RGL4: variants seen among roughly 807,000 people sequenced by gnomAD.
RGL4 encodes ral-GDS-related protein.
A neutral mutation model predicts 49.6 loss-of-function variants in RGL4; 41 were observed. That is an observed-to-expected ratio of 0.83 (90% confidence interval 0.64 to 1.07). RGL4 has a LOEUF of 1.07. RGL4 is among the 50% of genes least tolerant of loss of function. The probability of loss-of-function intolerance (pLI) is 0.00; values close to 1 mark genes in which losing one functional copy is unlikely to be tolerated. For missense variants in RGL4, 610 were observed against 591.9 expected, an observed-to-expected ratio of 1.03 and a Z score of -0.32; for synonymous variants, 255 against 238.0, an observed-to-expected ratio of 1.07 and a Z score of -0.66.
At chr22:23,694,534 A>G in intron 5 of RGL4, 84 bp downstream of exon 5, 4 of 970,856 alleles carry the variant, frequency 4.1e-6, no homozygotes, top group Non-Finnish European at 6.5e-6. Context: ...ATGACTCTGA[A>G]AGGTTCTTGG....
chr22:23,695,735 C>T (rs923465891), intron 6 of RGL4, among the ~76,000 whole-genome samples: 2 of 152,214 alleles, frequency 1.3e-5, no homozygotes, highest in African/African-American at 2.4e-5. Flanking sequence ...GGGATTCATA[C>T]ATTGCTAGGG....
intron 6 of RGL4, chr22:23,696,312 C>G: frequency 1.5e-6 from 2 of 1,317,332 alleles, no homozygotes; most frequent in Non-Finnish European, 2.0e-6. Context: ...GGTGCTCGTG[C>G]CTGGTTCTTC....
At chr22:23,698,361 T>C in intron 10 of RGL4, 28 bp downstream of exon 10, 2 of 1,582,410 alleles carry the variant, frequency 1.3e-6, no homozygotes, top group South Asian at 2.3e-5. Flanking sequence ...GGGCTGAGGG[T>C]GGGAGAAGGC....
chr22:23,698,569 T>C (rs1209701263), intron 10 of RGL4: 1 of 720,302 alleles, frequency 1.4e-6, no homozygotes, highest in Non-Finnish European at 2.5e-6. Context: ...GGTTTCACGA[T>C]GATGTCCAGG....
rs766059595 is a variant in RGL4, at chr22:23,692,828, C to T, written c.533C>T (p.Pro178Leu). Residue 178 changes from proline (P) to leucine (L), a missense_variant, in exon 3 of 11, where the codon CCA (proline) becomes CTA (leucine). Physicochemically the swap from Pro to Leu is moderately conservative, Grantham distance 98 (BLOSUM62 -3). Coordinates refer to ENST00000290691, the MANE Select transcript of RGL4 (RefSeq NM_153615.2). ...LHSAPGPAPA[P>L]GEGPPPGTVL... is the part of the protein sequence containing the mutation. ...TCAGCACCAGGGCCAGCACCAGCAC[C>T]AGGGGAAGGGCCCCCTCCAGGGACA... is the stretch of plus-strand genomic sequence containing the variant. 5.0e-6 allele frequency: 8 copies of T among 1,613,540 alleles called. No homozygotes were observed. The highest frequency in any genetic ancestry group is 5.1e-6 in the Non-Finnish European group (6 of 1,180,004).
At position 23,697,959 on chromosome 22, in the gene RGL4, AGGCTTACT is replaced by A. The variant is rs879037824; in HGVS notation, c.1260+101_1260+108del. The A allele has an allele frequency of 3.6e-5, 51 of 1,424,300 alleles. No individual in the cohort carries two copies. The South Asian group carries it at 6.2e-4, about 17-fold the overall frequency. 88.2% of individuals were successfully genotyped at this position (1,424,300 alleles called of 1,614,324 possible). ...TCCCTGGCTCCATCCTCTACATCTT[AGGCTTACT>A]GGGAGTGTTTGACACACACAGGAGG... On this transcript the variant is annotated intron_variant, in intron 9 of 10. Coordinates refer to ENST00000290691, the MANE Select transcript of RGL4 (RefSeq NM_153615.2).
At chr22:23,697,595 C>T (rs1258382112) in intron 8 of RGL4, among the ~76,000 whole-genome samples, 2 of 146,064 alleles carry the variant, frequency 1.4e-5, no homozygotes, top group Non-Finnish European at 2.9e-5. Context: ...TCACTGAGCG[C>T]TTTCTTTCTA....
In RGL4 at chr22:23,698,290, G is replaced by A; in HGVS notation, c.1339G>A (p.Val447Ile). The change falls in exon 10 of 11, where the codon GTC becomes ATC. Residue 447 changes from valine to isoleucine, a missense_variant. Physicochemically the swap from Val to Ile is conservative, Grantham distance 29 (BLOSUM62 3). Transcript: ENST00000290691. ...CAGGCTTCGGCCTCTTGAGAAATTT[G>A]TCACCTATTTCACAAGAATGGAGCA... is the stretch of plus-strand genomic sequence containing the variant. ...NYRLRPLEKF[V>I]TYFTRMEQLS... The A allele has an allele frequency of 6.2e-7, 1 of 1,611,802 alleles. No individual in the cohort carries two copies. The highest frequency in any genetic ancestry group is 8.5e-7 in the Non-Finnish European group (1 of 1,178,072).
In RGL4 at chr22:23,693,836, C is replaced by CA. The variant is rs1923307435; in HGVS notation, c.775dup (p.Met259AsnfsTer109). ...AAGGACATCTGAAGGGGAATGAGCACATGGCACCCACAGTTCGTGCCACCA... is the reference window on the plus strand; with the variant it reads ...AAGGACATCTGAAGGGGAATGAGCACAATGGCACCCACAGTTCGTGCCACCA... On this transcript the variant is annotated frameshift_variant, in exon 4 of 11. Coordinates refer to ENST00000290691, the MANE Select transcript of RGL4 (RefSeq NM_153615.2). LOFTEE classifies it high-confidence loss of function. 7.4e-6 allele frequency: 12 copies of CA among 1,613,978 alleles called. No homozygotes were observed. The highest frequency in any genetic ancestry group is 1.3e-5 in the African/African-American group (1 of 74,918).
At chr22:23,697,018 G>A (rs989975647) in intron 7 of RGL4, among the ~76,000 whole-genome samples, 153 bp from the exon 8 acceptor site, 4 of 152,190 alleles carry the variant, frequency 2.6e-5, no homozygotes, top group African/African-American at 4.8e-5. Flanking sequence ...AGGCAGCTGA[G>A]GGTCTTTGGC....
At chr22:23,697,732 C>A in intron 8 of RGL4, 106 bp from the exon 9 acceptor site, 1 of 1,268,954 alleles carries the variant, frequency 7.9e-7, no homozygotes, top group Non-Finnish European at 1.1e-6. Context: ...GTCGTGTGCA[C>A]ATCCCCTGAC....
At chr22:23,695,045 G>A (rs539191534) in intron 6 of RGL4, 26 bp downstream of exon 6, 29 of 1,546,066 alleles carry the variant, frequency 1.9e-5, no homozygotes, top group Non-Finnish European at 2.2e-5. Context: ...GGAGATGCAG[G>A]ACAAGTGTTT....
At chr22:23,692,266 C>A in intron 1 of RGL4, 57 bp downstream of exon 1, 1 of 1,607,532 alleles carries the variant, frequency 6.2e-7, no homozygotes, top group Non-Finnish European at 8.5e-7. Flanking sequence ...CAGAACCACG[C>A]AGGGGTGCCC....
chr22:23,694,974 ACT>A lies in RGL4; in HGVS notation c.1044_1045del (p.Cys349GlnfsTer18). 6.2e-7 allele frequency: 1 copy of A among 1,613,566 alleles called. No individual in the cohort carries two copies. Among genetic ancestry groups the A allele is most frequent in the Non-Finnish European group, 8.5e-7 (1 of 1,179,616 alleles). On this transcript the variant is annotated frameshift_variant, in exon 6 of 11. Transcript: ENST00000290691. LOFTEE classifies it high-confidence loss of function. ...GCAAAAGCATGAAAGAGCTAAAAGA[ACT>A]CTGCAAAAAAGACACTGCAGTGAAG... ...SSKSMKELKE[L>X]CKKDTAVKRD...
chr22:23,693,829 A>AT lies in RGL4; in HGVS notation c.768dup (p.Glu257Ter). On this transcript the variant is annotated frameshift_variant, in exon 4 of 11. Coordinates refer to ENST00000290691, the MANE Select transcript of RGL4 (RefSeq NM_153615.2). LOFTEE classifies it high-confidence loss of function. The stretch of plus-strand genomic sequence containing the variant: ...TGGGGCCAAGGACATCTGAAGGGGA[A>AT]TGAGCACATGGCACCCACAGTTCGT... 2.5e-6 allele frequency: 4 copies of AT among 1,614,096 alleles called. No individual in the cohort carries two copies. In the South Asian group the frequency reaches 4.4e-5, roughly 18 times the overall value.
intron 4 of RGL4, 158 bp downstream of exon 4, chr22:23,694,132 G>A (rs1923330982): frequency 1.1e-5 from 8 of 750,036 alleles, no homozygotes; most frequent in Non-Finnish European, 1.8e-5. Flanking sequence ...GACTCCCACG[G>A]CCCAGTGGTG....
intron 6 of RGL4, 145 bp from the exon 7 acceptor site, chr22:23,696,469 A>G (rs1246704454): frequency 6.5e-7 from 1 of 1,549,202 alleles, no homozygotes; most frequent in Non-Finnish European, 8.7e-7. Flanking sequence ...GGTGACACAC[A>G]CAGGGAGTGT....
chr22:23,695,017 A>G lies in RGL4; in HGVS notation c.1084A>G (p.Lys362Glu), dbSNP rs374309596. 17 of 1,609,458 alleles carry G rather than the reference A, an allele frequency of 1.1e-5. No homozygotes were observed. The highest frequency in any genetic ancestry group is 1.4e-5 in the Non-Finnish European group (17 of 1,176,002). ...DTAVKRDLLI[K>E]AGSFKVATQE... ...TGCAGTGAAGAGGGACCTACTGATC[A>G]AGGTACAGTGGAGTCTGGGAGATGC... Residue 362 changes from lysine (K) to glutamate (E), a missense_variant and splice_region_variant, in exon 6 of 11, where the codon AAG (lysine) becomes GAG (glutamate). Coordinates refer to ENST00000290691, the MANE Select transcript of RGL4 (RefSeq NM_153615.2).
intron 7 of RGL4, 115 bp from the exon 8 acceptor site, chr22:23,697,056 G>A (rs1351772974): frequency 3.7e-6 from 3 of 801,460 alleles, no homozygotes; most frequent in East Asian, 2.5e-5. Context: ...CTGAGGAGGG[G>A]GCTCTGGGAG....
Sources: gnomAD v4.1 joint callset for allele counts (sites outside exome capture counted in the v4.1 genomes callset) on GRCh38, gnomAD v4.1.1 for gene constraint, MANE v1.5 for transcripts, NCBI Gene and HGNC (gene_info 2026-07-23, HGNC 2026-07-21) for gene names.